Variants in MAP3K5 observed in about 807,000 individuals in gnomAD.
The protein encoded by MAP3K5 is mitogen-activated protein kinase kinase kinase 5, also known as ASK-1.
Under a neutral mutation model 158.7 loss-of-function variants are expected in MAP3K5, and 56 were observed. That is an observed-to-expected ratio of 0.35 (90% CI 0.28 to 0.44). MAP3K5 has a LOEUF of 0.44. MAP3K5 is among the 20% of genes least tolerant of loss of function. The pLI, the probability that MAP3K5 is intolerant of heterozygous loss-of-function variation, is 1.00. For missense variants in MAP3K5, 1,294 were observed against 1,674.8 expected (o/e 0.77, Z 3.97); for synonymous variants, 579 against 601.7 (o/e 0.96, Z 0.55).
At chr6:136,574,004 C>G (rs1378943403) in intron 25 of MAP3K5, among the ~76,000 whole-genome samples, 1 of 151,500 alleles carries the variant, frequency 6.6e-6, no homozygotes, top group African/African-American at 2.4e-5. Context: ...GATCTTGGCT[C>G]ACTGCAACCT....
In MAP3K5 at chr6:136,601,815, T is replaced by C. The variant is rs1180400865; in HGVS notation, c.2844A>G (p.Gln948=). ...GCAACCACATACCTGAAAGCTTAGG[T>C]TGTGTCTTTTTCTTTTTGCTTGAAA... ...LKVSSKKKKT[Q]PKLSALSAGS... The change falls in exon 20 of 30, where the codon CAA becomes CAG. Residue 948 remains glutamine (Q), a synonymous_variant. Transcript: ENST00000359015. 8.1e-6 allele frequency: 13 copies of C among 1,613,954 alleles called. No homozygotes were observed. In the South Asian group the frequency reaches 1.3e-4, roughly 16 times the overall value.
intron 15 of MAP3K5, among the ~76,000 whole-genome samples, chr6:136,621,645 C>T (rs1439054685): frequency 6.6e-6 from 1 of 152,110 alleles, no homozygotes. Flanking sequence ...TACAAGTGCT[C>T]CTTAGCTTTA....
intron 2 of MAP3K5, among the ~76,000 whole-genome samples, chr6:136,718,488 C>T (rs1284981794): frequency 3.3e-5 from 5 of 152,094 alleles, no homozygotes; most frequent in African/African-American, 1.2e-4. Flanking sequence ...CACACCCAGC[C>T]TCTCCTTTAA....
At chr6:136,710,692 T>C (rs1034408297) in intron 2 of MAP3K5, among the ~76,000 whole-genome samples, 1 of 152,006 alleles carries the variant, frequency 6.6e-6, no homozygotes, top group Admixed American at 6.6e-5. Context: ...CCAAGTCAAA[T>C]CAAACTTGGG....
chr6:136,725,512 G>A (rs1781929976), intron 1 of MAP3K5, among the ~76,000 whole-genome samples: 1 of 152,184 alleles, frequency 6.6e-6, no homozygotes. Flanking sequence ...ATTTGGTTAA[G>A]TACTCAATGC....
intron 1 of MAP3K5, among the ~76,000 whole-genome samples, chr6:136,749,372 CAAAA>C (rs568913197): frequency 1.1e-5 from 1 of 87,484 alleles, no homozygotes. Context: ...AACTCTGTAT[CAAAA>C]AAAAAAAAAA....
intron 1 of MAP3K5, among the ~76,000 whole-genome samples, chr6:136,786,972 C>G (rs1290843354): frequency 6.6e-6 from 1 of 152,060 alleles, no homozygotes; most frequent in Non-Finnish European, 1.5e-5. Context: ...TTAGGTTGAG[C>G]TATTCGAACA....
intron 11 of MAP3K5, among the ~76,000 whole-genome samples, chr6:136,650,239 A>T (rs542181920): frequency 1.3e-5 from 2 of 152,354 alleles, no homozygotes; most frequent in South Asian, 2.1e-4. Flanking sequence ...TTATAAGGGC[A>T]TTCTGGGAAA....
intron 25 of MAP3K5, among the ~76,000 whole-genome samples, chr6:136,571,779 T>C (rs1774379822): frequency 6.6e-6 from 1 of 152,194 alleles, no homozygotes; most frequent in South Asian, 2.1e-4. Flanking sequence ...AGAAGAGAAA[T>C]TGCTGGTTCA....
chr6:136,779,491 T>C (rs1194846475), intron 1 of MAP3K5, among the ~76,000 whole-genome samples: 1 of 150,524 alleles, frequency 6.6e-6, no homozygotes, highest in Non-Finnish European at 1.5e-5. Flanking sequence ...TATAGTGTGA[T>C]AGAGTGATTA....
chr6:136,710,650 C>T (rs941537706), intron 2 of MAP3K5, among the ~76,000 whole-genome samples: 2 of 152,070 alleles, frequency 1.3e-5, no homozygotes, highest in African/African-American at 2.4e-5. Flanking sequence ...CTGCAGCCAG[C>T]GAAAGAAGTG....
intron 26 of MAP3K5, among the ~76,000 whole-genome samples, chr6:136,563,223 A>G (rs1232445314): frequency 6.6e-6 from 1 of 152,130 alleles, no homozygotes; most frequent in Non-Finnish European, 1.5e-5. Context: ...AAATCTTCAG[A>G]GATGTGTCCT....
chr6:136,568,968 A>C (rs1260763469), intron 25 of MAP3K5, among the ~76,000 whole-genome samples: 13 of 151,956 alleles, frequency 8.6e-5, no homozygotes, highest in South Asian at 4.2e-4. Flanking sequence ...GGGGATCCCC[A>C]AAAAAACCTG....
At chr6:136,728,323 T>C (rs1251686119) in intron 1 of MAP3K5, among the ~76,000 whole-genome samples, 1 of 152,172 alleles carries the variant, frequency 6.6e-6, no homozygotes, top group Admixed American at 6.5e-5. Flanking sequence ...TGTTAATTGG[T>C]ATTTTCTGAA....
intron 10 of MAP3K5, among the ~76,000 whole-genome samples, chr6:136,655,707 A>AGTGT (rs61536898): frequency 0.012 from 1,836 of 149,992 alleles, 13 homozygotes; most frequent in Non-Finnish European, 0.02. Context: ...ATTTTTTTAA[A>AGTGT]GTGTGTGTGT....
chr6:136,592,913 T>A, intron 21 of MAP3K5: 2 of 441,784 alleles, frequency 4.5e-6, no homozygotes, highest in Non-Finnish European at 8.7e-6. Flanking sequence ...CCCCTCATTT[T>A]TACTGACTAC....
At chr6:136,573,623 C>G (rs1323018185) in intron 25 of MAP3K5, among the ~76,000 whole-genome samples, 1 of 152,124 alleles carries the variant, frequency 6.6e-6, no homozygotes, top group Non-Finnish European at 1.5e-5. Context: ...AGGGCCTATG[C>G]AGAGTTCTGG....
At position 136,609,665 on chromosome 6, in the gene MAP3K5, G is replaced by A. The variant is rs1218196813; in HGVS notation, c.2521+1617C>T. 4.0e-5 allele frequency among the ~76,000 whole-genome samples: 6 copies of A among 151,256 alleles called. No homozygotes were observed. Among genetic ancestry groups the A allele is most frequent in the African/African-American group, 7.3e-5 (3 of 41,084 alleles). On this transcript the variant is annotated intron_variant, in intron 18 of 29. Transcript: ENST00000359015. This position sits in a 1 kb window ranked among gnomAD's most constrained non-coding sequence, Gnocchi z 4.4. The stretch of plus-strand genomic sequence containing the variant: ...AAAAATTAGCCAGGCATGGAGGTGC[G>A]TGCCTATGGTCCCAGCTACTAGGGA...
intron 1 of MAP3K5, among the ~76,000 whole-genome samples, chr6:136,746,575 C>G (rs112223655): frequency 8.7e-4 from 132 of 152,212 alleles, no homozygotes; most frequent in African/African-American, 3.1e-3. Context: ...GGCCCCACCA[C>G]ACAGAGAAAA....
Sources: allele counts gnomAD v4.1 joint callset (sites outside exome capture counted in the v4.1 genomes callset), GRCh38; gene constraint gnomAD v4.1.1; non-coding constraint Gnocchi (gnomAD v3.1); transcripts MANE v1.5; gene names NCBI Gene and HGNC (gene_info 2026-07-23, HGNC 2026-07-21).